Variants in IFT172 observed in about 807,000 individuals in gnomAD.
The protein encoded by IFT172 is intraflagellar transport protein 172 homolog.
Under a neutral mutation model 248.9 loss-of-function variants are expected in IFT172, and 164 were observed. The observed-to-expected ratio is 0.66, with a 90% CI of 0.58 to 0.75. The LOEUF is 0.75. IFT172 is among the 30% of genes least tolerant of loss of function. IFT172 has a pLI of 0.00. For synonymous variants in IFT172, 729 were observed against 791.6 expected (o/e 0.92, Z 1.33); for missense variants, 1,950 against 2,192.4 (o/e 0.89, Z 2.21).
intron 18 of IFT172, among the ~76,000 whole-genome samples, chr2:27,464,755 C>T (rs546684727): frequency 1.5e-4 from 23 of 151,712 alleles, no homozygotes; most frequent in African/African-American, 5.3e-4. Flanking sequence ...ATAGCTGGGA[C>T]CACAGGTGCG....
intron 7 of IFT172, among the ~76,000 whole-genome samples, chr2:27,481,793 C>A (rs1271423311): frequency 6.6e-6 from 1 of 151,630 alleles, no homozygotes; most frequent in Non-Finnish European, 1.5e-5. Flanking sequence ...CCCGTCTCAG[C>A]CTCCCAAAGT....
chr2:27,445,532 C>A lies in IFT172; in HGVS notation c.4915-83G>T. 6.8e-7 allele frequency: 1 copy of A among 1,468,062 alleles called. No homozygotes were observed. 90.9% of individuals were successfully genotyped at this position (1,468,062 alleles called of 1,614,324 possible). The stretch of plus-strand genomic sequence containing the variant: ...GGTGGATGGGTGAGGAGGGGGTTTG[C>A]TAAGCCCTCATCCTGTATACCAGCT... On this transcript the variant is annotated intron_variant, in intron 45 of 47. Coordinates refer to ENST00000260570, the MANE Select transcript of IFT172 (RefSeq NM_015662.3). The surrounding 1 kb of genome is among the most constrained non-coding windows in gnomAD (Gnocchi z 4.4).
chr2:27,451,179 A>G (rs1015278679), intron 35 of IFT172, among the ~76,000 whole-genome samples: 2 of 152,056 alleles, frequency 1.3e-5, no homozygotes, highest in African/African-American at 4.8e-5. Flanking sequence ...TTCAATTTCC[A>G]CACAATCCAA....
rs185965954 is a variant in IFT172 at position 27,464,897 on chromosome 2, C to T, written c.1937+514G>A. On this transcript the variant is annotated intron_variant, in intron 18 of 47. Transcript: ENST00000260570. The stretch of plus-strand genomic sequence containing the variant: ...CCTCCCAAAGTGCTAGGATTACAGG[C>T]ATGAGCCGCCGTGCCCAGCCAAGAC... 8.4e-3 allele frequency among the ~76,000 whole-genome samples: 1,269 copies of T among 150,736 alleles called. 10 individuals are homozygous for T. The highest frequency in any genetic ancestry group is 0.012 in the Non-Finnish European group (803 of 67,896).
chr2:27,488,151 T>TA (rs199744333), intron 1 of IFT172, among the ~76,000 whole-genome samples: 42 of 151,668 alleles, frequency 2.8e-4, no homozygotes, highest in African/African-American at 9.7e-4. Flanking sequence ...CGAGGCTATT[T>TA]AAAAAAAATT....
chr2:27,451,785 T>TAAAC (rs1379413217), intron 35 of IFT172, among the ~76,000 whole-genome samples: 1 of 151,182 alleles, frequency 6.6e-6, no homozygotes, highest in Non-Finnish European at 1.5e-5. Context: ...ACAAACAAAA[T>TAAAC]AAACAAACAA....
chr2:27,487,204 T>A (rs1668825006), intron 1 of IFT172, among the ~76,000 whole-genome samples: 1 of 152,158 alleles, frequency 6.6e-6, no homozygotes, highest in South Asian at 2.1e-4. Flanking sequence ...CTTGGCCTCC[T>A]GAAGTGCTGG....
At chr2:27,477,663 T>C (rs1485169785) in intron 11 of IFT172, 51 bp from the exon 12 acceptor site, 2 of 1,234,914 alleles carry the variant, frequency 1.6e-6, no homozygotes, top group Admixed American at 1.7e-5. Context: ...CCCAAGATAA[T>C]GCCGAAAGAA....
chr2:27,453,029 A>G (rs2148485158), intron 35 of IFT172: 1 of 352,962 alleles, frequency 2.8e-6, no homozygotes, highest in African/African-American at 2.1e-5. Flanking sequence ...CTCCTGTCCA[A>G]GTCTTCCCTC....
At position 27,461,065 on chromosome 2, in the gene IFT172, T is replaced by C; in HGVS notation, c.2471A>G (p.Asn824Ser). ...GTAGCACTCCAGGGCCTTCTGTGGA[T>C]TGTGAATCTTCTCAAAGAGATCACC... Reference protein sequence around the residue: ...RAGDLFEKIHNPQKALECYRK... With the variant: ...RAGDLFEKIHSPQKALECYRK... The change falls in exon 23 of 48, where the codon AAT (asparagine) becomes AGT (serine). Residue 824 changes from asparagine (N) to serine (S), a missense_variant. Asn to Ser is a conservative substitution (Grantham distance 46, BLOSUM62 1). Transcript: ENST00000260570. 1 of 1,614,132 alleles carries C rather than the reference T, an allele frequency of 6.2e-7. No homozygotes were observed.
intron 16 of IFT172, among the ~76,000 whole-genome samples, chr2:27,468,539 AAAG>A (rs1667297673): frequency 6.6e-6 from 1 of 151,986 alleles, no homozygotes; most frequent in East Asian, 1.9e-4. Flanking sequence ...CGGTCCTAAA[AAAG>A]AAGACTTTAA....
chr2:27,450,418 A>C (rs2148479890), intron 35 of IFT172, among the ~76,000 whole-genome samples: 2 of 152,306 alleles, frequency 1.3e-5, no homozygotes, highest in Middle Eastern at 6.8e-3. Context: ...TTCGTAGCAG[A>C]GTACAGAGAA....
At position 27,461,983 on chromosome 2, in the gene IFT172, AAAG is replaced by A. The variant is rs1666714950; in HGVS notation, c.2116-150_2116-148del. ...TACCAACAGAAATACTGGGAAACTA[AAAG>A]AAGCTTAAGCTTCAGGGCTCCTTAT... On this transcript the variant is annotated intron_variant, in intron 20 of 47. Coordinates refer to ENST00000260570, the MANE Select transcript of IFT172 (RefSeq NM_015662.3). 4.0e-6 allele frequency: 3 copies of A among 748,022 alleles called. No homozygotes were observed. The South Asian group carries it at 5.3e-5, about 13-fold the overall frequency. The allele number at this position is 748,022 out of a possible 1,614,324, so 46.3% of individuals were successfully genotyped here.
chr2:27,480,604 C>T (rs569451610), intron 8 of IFT172, among the ~76,000 whole-genome samples: 7 of 152,216 alleles, frequency 4.6e-5, no homozygotes, highest in Admixed American at 1.3e-4. Context: ...TTCATTCATT[C>T]GCCAAACATC....
In IFT172 at chr2:27,456,514, T is replaced by C. The variant is rs146615936; in HGVS notation, c.3368A>G (p.Asn1123Ser). ...LEAAVDHAAD[N>S]CSFEFAFELS... ...GAGAGAAAGCTTGGGGCCTCACCAATTGTCTGCAGCGTGGTCAACAGCAGC... is the reference window on the plus strand; with the variant it reads ...GAGAGAAAGCTTGGGGCCTCACCAACTGTCTGCAGCGTGGTCAACAGCAGC... Residue 1123 changes from asparagine (N) to serine (S), a missense_variant, in exon 30 of 48, where the codon AAT (asparagine) becomes AGT (serine). By Grantham distance (46) the Asn-to-Ser change is conservative. This residue lies in a region of IFT172 where 164 missense variants were observed against 239.3 expected (regional missense o/e 0.69). Transcript: ENST00000260570. 8.1e-5 allele frequency: 131 copies of C among 1,613,080 alleles called. No individual in the cohort carries two copies. In the South Asian group the frequency reaches 1.0e-3, roughly 12 times the overall value.
rs1032027895 is a variant in IFT172 at position 27,461,021 on chromosome 2, T to G, written c.2515A>C (p.Met839Leu). ...LECYRKGNAF[M>L]KAVELARLAF... ...GCTTATAGGTGGCTAGTACCTTTCA[T>G]GAATGCGTTGCCTTTACGGTAGCAC... Residue 839 changes from methionine (M) to leucine (L), a missense_variant, in exon 23 of 48, where the codon ATG (methionine) becomes CTG (leucine). Coordinates refer to ENST00000260570, the MANE Select transcript of IFT172 (RefSeq NM_015662.3). The G allele has an allele frequency of 1.2e-6, 2 of 1,614,076 alleles. No homozygotes were observed. The highest frequency in any genetic ancestry group is 1.7e-6 in the Non-Finnish European group (2 of 1,180,034).
chr2:27,484,499 G>A lies in IFT172; in HGVS notation c.297-233C>T, dbSNP rs564468294. 3.3e-3 allele frequency among the ~76,000 whole-genome samples: 496 copies of A among 152,254 alleles called. 1 individual carries two copies. The highest frequency in any genetic ancestry group is 5.6e-3 in the Non-Finnish European group (380 of 68,016). On this transcript the variant is annotated intron_variant, in intron 3 of 47. Transcript: ENST00000260570. ...CCAGCTACTCGGGAGGCTGAGGCAG[G>A]AGAATTGCGTGAACCTGGGAGGAGG...
At position 27,456,633 on chromosome 2, in the gene IFT172, C is replaced by G; in HGVS notation, c.3249G>C (p.Gly1083=). 1 of 1,613,886 alleles carries G rather than the reference C, an allele frequency of 6.2e-7. No homozygotes were observed. Among genetic ancestry groups the G allele is most frequent in the African/African-American group, 1.3e-5 (1 of 75,026 alleles). ...AGGCCACGTGTTTGTGGGCATTAGC[C>G]CCTCCTTGAGTTCTGGCCACCTGTA... ...EAYRVARTQG[G]ANAHKHVAYL... is the part of the protein sequence containing the mutation. Residue 1083 remains glycine, a synonymous_variant, in exon 30 of 48, where the codon GGG becomes GGC. Coordinates refer to ENST00000260570, the MANE Select transcript of IFT172 (RefSeq NM_015662.3).
At position 27,454,368 on chromosome 2, in the gene IFT172, C is replaced by T. The variant is rs1308613592; in HGVS notation, c.3516G>A (p.Lys1172=). Residue 1172 remains lysine, a synonymous_variant, in exon 32 of 48, where the codon AAG becomes AAA. Transcript: ENST00000260570. This position sits in a 1 kb window ranked among gnomAD's most constrained non-coding sequence, Gnocchi z 4.2. ...EAEFIRAGKP[K]EAVLMFVHNQ... is the part of the protein sequence containing the mutation. The stretch of plus-strand genomic sequence containing the variant: ...GGGTAACTCACATGAGGACTGCCTC[C>T]TTGGGTTTACCAGCTCTGATGAATT... 1.2e-6 allele frequency: 2 copies of T among 1,614,028 alleles called. No individual in the cohort carries two copies. Among genetic ancestry groups the T allele is most frequent in the African/African-American group, 2.7e-5 (2 of 74,896 alleles).
Sources: gnomAD v4.1 joint callset for allele counts (sites outside exome capture counted in the v4.1 genomes callset) on GRCh38, gnomAD v4.1.1 for gene constraint, gnomAD v4.1.1 regional missense constraint, Gnocchi (gnomAD v3.1) non-coding constraint, MANE v1.5 for transcripts, NCBI Gene and HGNC (gene_info 2026-07-23, HGNC 2026-07-21) for gene names.